TANC2: variants seen among roughly 807,000 people sequenced by gnomAD.
The protein encoded by TANC2 is protein TANC2.
TANC2 carries 26 observed loss-of-function variants against 210.5 expected under a neutral mutation model. The observed-to-expected ratio is 0.12, with a 90% confidence interval of 0.09 to 0.17. The LOEUF is 0.17. TANC2 is among the 10% of genes least tolerant of loss of function. The pLI is 1.00. For synonymous variants in TANC2, 931 were observed against 967.1 expected, an observed-to-expected ratio of 0.96 and a Z score of 0.69; for missense variants, 2,129 against 2,608.9, an observed-to-expected ratio of 0.82 and a Z score of 4.01.
intron 7 of TANC2, among the ~76,000 whole-genome samples, chr17:63,219,242 G>A (rs189589844): frequency 2.0e-5 from 3 of 151,988 alleles, no homozygotes; most frequent in South Asian, 2.1e-4. Context: ...GGCTACCCAC[G>A]TGTTTGTCTC....
At chr17:63,310,839 G>GGATAAT (rs2045100542) in intron 9 of TANC2, among the ~76,000 whole-genome samples, 1 of 152,160 alleles carries the variant, frequency 6.6e-6, no homozygotes, top group African/African-American at 2.4e-5. Flanking sequence ...CACGCAACCA[G>GGATAAT]GATAATCTTT....
At chr17:63,372,933 C>A (rs192307309) in intron 14 of TANC2, among the ~76,000 whole-genome samples, 1 of 130,086 alleles carries the variant, frequency 7.7e-6, no homozygotes, top group Non-Finnish European at 1.5e-5. Flanking sequence ...TCTTGCTCGT[C>A]ACCCAGGCTG....
At chr17:63,085,884 A>G (rs768104401) in intron 3 of TANC2, among the ~76,000 whole-genome samples, 1 of 152,162 alleles carries the variant, frequency 6.6e-6, no homozygotes, top group Admixed American at 6.5e-5. Flanking sequence ...TTTCTGACCT[A>G]TATCATTTTA....
At chr17:63,300,165 A>G (rs572291536) in intron 9 of TANC2, among the ~76,000 whole-genome samples, 2 of 152,344 alleles carry the variant, frequency 1.3e-5, no homozygotes, top group African/African-American at 2.4e-5. Context: ...TACCAGTACC[A>G]TGCTGTTGTG....
At chr17:63,039,383 C>T (rs2035095316) in intron 2 of TANC2, among the ~76,000 whole-genome samples, 1 of 151,994 alleles carries the variant, frequency 6.6e-6, no homozygotes, top group Non-Finnish European at 1.5e-5. Flanking sequence ...GCATTCTGTC[C>T]TTTTGTTGGA....
At chr17:63,033,063 A>G (rs1304804004) in intron 2 of TANC2, among the ~76,000 whole-genome samples, 2 of 152,234 alleles carry the variant, frequency 1.3e-5, no homozygotes, top group African/African-American at 4.8e-5. Context: ...ATGAACAGCC[A>G]GATGAAGAAG....
At chr17:63,253,911 A>G (rs2043119797) in intron 8 of TANC2, among the ~76,000 whole-genome samples, 1 of 152,150 alleles carries the variant, frequency 6.6e-6, no homozygotes, top group Non-Finnish European at 1.5e-5. Context: ...GGTCTCCCAA[A>G]GTGCTGGGAT....
At chr17:63,389,628 A>T in intron 17 of TANC2, 84 bp downstream of exon 17, 1 of 1,308,872 alleles carries the variant, frequency 7.6e-7, no homozygotes, top group Non-Finnish European at 1.1e-6. Flanking sequence ...GTGTTACTTC[A>T]TGAGTCTGGG....
chr17:63,038,675 A>G (rs919954694), intron 2 of TANC2, among the ~76,000 whole-genome samples: 1 of 152,016 alleles, frequency 6.6e-6, no homozygotes, highest in Admixed American at 6.5e-5. Context: ...TTTTTAAACT[A>G]TAGACTTTAT....
intron 4 of TANC2, among the ~76,000 whole-genome samples, chr17:63,131,656 T>A (rs554708177): frequency 2.0e-5 from 3 of 152,194 alleles, no homozygotes; most frequent in Non-Finnish European, 4.4e-5. Flanking sequence ...GCTTTCAAGT[T>A]TGAAAGTAAT....
chr17:63,374,324 C>G (rs2047362893), intron 14 of TANC2, among the ~76,000 whole-genome samples: 1 of 152,086 alleles, frequency 6.6e-6, no homozygotes, highest in African/African-American at 2.4e-5. Flanking sequence ...AGGTGTGAGC[C>G]ATCATGCCTG....
At chr17:63,039,068 T>C (rs2035083024) in intron 2 of TANC2, among the ~76,000 whole-genome samples, 1 of 152,204 alleles carries the variant, frequency 6.6e-6, no homozygotes, top group South Asian at 2.1e-4. Flanking sequence ...AATAAATGAA[T>C]TATTTGTTGA....
intron 5 of TANC2, among the ~76,000 whole-genome samples, chr17:63,175,848 C>T (rs1567787391): frequency 6.6e-6 from 1 of 152,102 alleles, no homozygotes; most frequent in Non-Finnish European, 1.5e-5. Context: ...TGGCTTGAAA[C>T]AACCACCATT....
intron 12 of TANC2, among the ~76,000 whole-genome samples, chr17:63,347,257 A>C (rs2146846163): frequency 6.6e-6 from 1 of 152,344 alleles, no homozygotes; most frequent in South Asian, 2.1e-4. Context: ...TAGTACAATC[A>C]GTGTAGAAGA....
chr17:63,153,771 A>T (rs912507404), intron 5 of TANC2: 1 of 152,138 alleles, frequency 6.6e-6, no homozygotes, highest in African/African-American at 2.4e-5. Context: ...TTTCTGTGTT[A>T]TCTAAACTTA....
chr17:63,408,912 G>A (rs888975197), intron 21 of TANC2, among the ~76,000 whole-genome samples: 1 of 152,256 alleles, frequency 6.6e-6, no homozygotes, highest in African/African-American at 2.4e-5. Context: ...CTTCTAGCAA[G>A]TAAATGATTC....
chr17:63,325,419 T>G (rs2045617357), intron 11 of TANC2, among the ~76,000 whole-genome samples: 1 of 152,232 alleles, frequency 6.6e-6, no homozygotes, highest in Non-Finnish European at 1.5e-5. Context: ...TTGTCCTTCT[T>G]CATGTCTCAG....
At chr17:63,318,908 A>G (rs1390672562) in intron 10 of TANC2, 49 bp from the exon 11 acceptor site, 4 of 1,606,242 alleles carry the variant, frequency 2.5e-6, no homozygotes, top group East Asian at 2.2e-5. Context: ...ATTTTTCCTT[A>G]AAGTTTTTAT....
At chr17:63,072,374 CCATT>C (rs573003438) in intron 2 of TANC2, among the ~76,000 whole-genome samples, 66 of 152,014 alleles carry the variant, frequency 4.3e-4, no homozygotes, top group African/African-American at 1.5e-3. Context: ...GGCAGATCAG[CCATT>C]CAGAGATGAT....
Sources: allele counts gnomAD v4.1 joint callset (sites outside exome capture counted in the v4.1 genomes callset), GRCh38; gene constraint gnomAD v4.1.1; transcripts MANE v1.5; gene names NCBI Gene and HGNC (gene_info 2026-07-23, HGNC 2026-07-21).